SMYD3: variants seen among roughly 807,000 people sequenced by gnomAD.
The protein encoded by SMYD3 is histone-lysine N-methyltransferase SMYD3.
In SMYD3, 36 loss-of-function variants were observed where a neutral mutation model predicts 57.7. The observed-to-expected ratio is 0.62, with a 90% CI of 0.48 to 0.82. SMYD3 has a LOEUF of 0.82. Ranked by LOEUF, SMYD3 falls within the 40% of genes least tolerant of loss-of-function variation. The pLI is 0.00. For synonymous variants in SMYD3, 211 were observed against 195.0 expected (o/e 1.08, Z -0.68); for missense variants, 515 against 538.8 (o/e 0.96, Z 0.44).
At chr1:246,439,909 C>T (rs182846096) in intron 1 of SMYD3, among the ~76,000 whole-genome samples, 8 of 152,204 alleles carry the variant, frequency 5.3e-5, no homozygotes, top group Admixed American at 2.0e-4. Context: ...ATGATCGCAC[C>T]ACTGCACTCC....
intron 8 of SMYD3, among the ~76,000 whole-genome samples, chr1:245,881,408 C>A (rs752429808): frequency 7.9e-5 from 12 of 152,106 alleles, no homozygotes; most frequent in Non-Finnish European, 1.6e-4. Context: ...GAAGAGAGGG[C>A]AAGAATATCC....
chr1:245,777,066 G>A (rs1340807131), intron 10 of SMYD3, among the ~76,000 whole-genome samples: 2 of 152,178 alleles, frequency 1.3e-5, no homozygotes, highest in Admixed American at 6.5e-5. Context: ...AGGCCAGGAA[G>A]AGGATCCCTT....
chr1:245,958,428 T>G (rs1161606951), intron 5 of SMYD3, among the ~76,000 whole-genome samples: 1 of 152,152 alleles, frequency 6.6e-6, no homozygotes, highest in African/African-American at 2.4e-5. Flanking sequence ...ATACACCATT[T>G]TCTAAAGTGC....
chr1:246,256,480 A>G (rs772339002), intron 5 of SMYD3, among the ~76,000 whole-genome samples: 4 of 152,208 alleles, frequency 2.6e-5, no homozygotes, highest in Non-Finnish European at 4.4e-5. Flanking sequence ...AGAGGTGTTC[A>G]TAATAGTCTC....
chr1:246,490,654 C>T (rs995328148), intron 1 of SMYD3, among the ~76,000 whole-genome samples: 1 of 152,196 alleles, frequency 6.6e-6, no homozygotes, highest in African/African-American at 2.4e-5. Flanking sequence ...GAGAGGACTG[C>T]TTGAGCCCAG....
intron 5 of SMYD3, among the ~76,000 whole-genome samples, chr1:246,255,772 ATT>A (rs34095220): frequency 0.11 from 15,122 of 135,578 alleles, 853 homozygotes; most frequent in East Asian, 0.3. Context: ...TGTCTGGGGC[ATT>A]TTTTTTTTTT....
intron 5 of SMYD3, among the ~76,000 whole-genome samples, chr1:246,044,060 T>C (rs1443601354): frequency 6.6e-6 from 1 of 152,218 alleles, no homozygotes; most frequent in Non-Finnish European, 1.5e-5. Flanking sequence ...ACAGCCTCTT[T>C]AGTCTAAGAT....
At chr1:245,962,809 A>G (rs1388179211) in intron 5 of SMYD3, among the ~76,000 whole-genome samples, 3 of 151,598 alleles carry the variant, frequency 2.0e-5, no homozygotes, top group Non-Finnish European at 2.9e-5. Context: ...TCACGGGCTT[A>G]CTTCTGATAT....
At chr1:246,140,690 G>A (rs999942873) in intron 5 of SMYD3, among the ~76,000 whole-genome samples, 15 of 152,110 alleles carry the variant, frequency 9.9e-5, no homozygotes, top group Non-Finnish European at 2.1e-4. Flanking sequence ...ACAGCTTACT[G>A]CAGCCTCAAA....
At chr1:246,205,778 C>A (rs1330907888) in intron 5 of SMYD3, among the ~76,000 whole-genome samples, 2 of 152,140 alleles carry the variant, frequency 1.3e-5, no homozygotes, top group Non-Finnish European at 2.9e-5. Flanking sequence ...GAGATCGTGC[C>A]ACTGCACTCC....
chr1:245,990,380 T>C (rs965074962), intron 5 of SMYD3, among the ~76,000 whole-genome samples: 1 of 152,216 alleles, frequency 6.6e-6, no homozygotes, highest in Non-Finnish European at 1.5e-5. Context: ...TGAGCCACCA[T>C]GCCTGGCCAG....
chr1:245,994,799 TA>T (rs11403779), intron 5 of SMYD3, among the ~76,000 whole-genome samples: 36 of 146,066 alleles, frequency 2.5e-4, no homozygotes, highest in Admixed American at 5.5e-4. Flanking sequence ...TGAAGAAACT[TA>T]AAAAAAAAAA....
chr1:245,825,730 G>C (rs1024842517), intron 10 of SMYD3, among the ~76,000 whole-genome samples: 3 of 152,130 alleles, frequency 2.0e-5, no homozygotes, highest in Admixed American at 6.5e-5. Context: ...TGAGCATGCT[G>C]AACATGTGTC....
chr1:245,897,945 G>A lies in SMYD3; in HGVS notation c.813+17585C>T, dbSNP rs368014475. Among the ~76,000 whole-genome samples the A allele has an allele frequency of 1.1e-3, 163 of 151,960 alleles. No individual in the cohort carries two copies. In the South Asian group the frequency reaches 0.013, roughly 12 times the overall value. On this transcript the variant is annotated intron_variant, in intron 8 of 11. Transcript: ENST00000490107. ...ATCAGCTATGATGAAGAATATTATA[G>A]AAATCAGTGATTTCACTCGCTGTGG...
intron 5 of SMYD3, among the ~76,000 whole-genome samples, chr1:246,022,424 C>A (rs754054845): frequency 1.3e-5 from 2 of 152,172 alleles, no homozygotes; most frequent in Non-Finnish European, 2.9e-5. Context: ...TCTGGAGCCA[C>A]GCAGCCTTGC....
At chr1:246,220,515 G>A (rs2063237123) in intron 5 of SMYD3, among the ~76,000 whole-genome samples, 1 of 152,136 alleles carries the variant, frequency 6.6e-6, no homozygotes, top group Admixed American at 6.5e-5. Context: ...GCCCCTGACT[G>A]CACTCACAGT....
intron 1 of SMYD3, among the ~76,000 whole-genome samples, chr1:246,470,510 T>TAAA (rs879521382): frequency 7.0e-4 from 85 of 121,668 alleles, no homozygotes; most frequent in African/African-American, 2.6e-3. Flanking sequence ...AAAAAAAAAT[T>TAAA]AAAAAAAAAA....
chr1:246,050,008 T>C (rs2060040068), intron 5 of SMYD3, among the ~76,000 whole-genome samples: 1 of 152,158 alleles, frequency 6.6e-6, no homozygotes, highest in South Asian at 2.1e-4. Context: ...AGCAGTACCA[T>C]TTAGTATTAG....
chr1:245,765,486 T>C (rs377491941), intron 10 of SMYD3, among the ~76,000 whole-genome samples: 1 of 152,152 alleles, frequency 6.6e-6, no homozygotes, highest in Non-Finnish European at 1.5e-5. Flanking sequence ...GGACGGAGCA[T>C]GATTTAGCGC....
Sources: allele counts gnomAD v4.1 joint callset (sites outside exome capture counted in the v4.1 genomes callset), GRCh38; gene constraint gnomAD v4.1.1; transcripts MANE v1.5; gene names NCBI Gene and HGNC (gene_info 2026-07-23, HGNC 2026-07-21).